The following TENM3 variants were observed in gnomAD, a reference collection of about 807,000 sequenced individuals.
TENM3 encodes teneurin transmembrane protein 3.
A neutral mutation model predicts 255.1 loss-of-function variants in TENM3; 63 were observed. That is an observed-to-expected ratio of 0.25 (90% CI 0.20 to 0.30). TENM3 has a LOEUF of 0.30. TENM3 is among the 10% of genes least tolerant of loss of function. TENM3 has a pLI of 1.00. For synonymous variants in TENM3, 1,306 were observed against 1,322.3 expected (o/e 0.99, Z 0.27); for missense variants, 2,929 against 3,461.1 (o/e 0.85, Z 3.86).
rs554662707 is a variant in TENM3 at position 182,408,431 on chromosome 4, G to A, written c.511+61502G>A. 8.1e-4 allele frequency among the ~76,000 whole-genome samples: 124 copies of A among 152,238 alleles called. 1 individual carries two copies. The highest frequency in any genetic ancestry group is 2.8e-3 in the African/African-American group (117 of 41,546). On this transcript the variant is annotated intron_variant, in intron 3 of 27. Coordinates refer to ENST00000511685, the MANE Select transcript of TENM3 (RefSeq NM_001080477.4). ...GCTTTGAAAGCTCATTAACTGGAAC[G>A]GTTGGTTGTGTTTCCCTAGAGAAAA...
At chr4:182,358,621 G>A (rs974386483) in intron 3 of TENM3, among the ~76,000 whole-genome samples, 2 of 151,648 alleles carry the variant, frequency 1.3e-5, no homozygotes, top group East Asian at 1.9e-4. Flanking sequence ...ATTTTGGGCT[G>A]AGACAATGGG....
intron 22 of TENM3, among the ~76,000 whole-genome samples, chr4:182,768,131 A>G (rs1763879796): frequency 6.6e-6 from 1 of 152,116 alleles, no homozygotes; most frequent in Admixed American, 6.5e-5. Flanking sequence ...AAAAGAGCCC[A>G]CCTCCAGAGT....
chr4:181,661,087 C>T, the TENM3 span, among the ~76,000 whole-genome samples: 1 of 152,104 alleles, frequency 6.6e-6, no homozygotes, highest in Non-Finnish European at 1.5e-5. Flanking sequence ...TGATACATTT[C>T]TCAACAATAT....
upstream of TENM3, among the ~76,000 whole-genome samples, chr4:182,239,792 CA>C (rs70956503): frequency 0.22 from 32,708 of 151,582 alleles, 5,110 homozygotes; most frequent in African/African-American, 0.45. Context: ...CAAATAATCG[CA>C]AAAAAAGCTT....
At chr4:182,397,072 C>T (rs902377245) in intron 3 of TENM3, among the ~76,000 whole-genome samples, 1 of 151,818 alleles carries the variant, frequency 6.6e-6, no homozygotes, top group African/African-American at 2.4e-5. Context: ...CATGTATAAT[C>T]AAATACAATT....
At chr4:182,624,215 G>A (rs1315784015) in intron 4 of TENM3, among the ~76,000 whole-genome samples, 1 of 152,120 alleles carries the variant, frequency 6.6e-6, no homozygotes, top group Non-Finnish European at 1.5e-5. Flanking sequence ...CTAGTCTAAG[G>A]GGAATCTTTG....
chr4:182,697,051 G>A (rs1474740294), intron 12 of TENM3, among the ~76,000 whole-genome samples: 1 of 152,120 alleles, frequency 6.6e-6, no homozygotes, highest in African/African-American at 2.4e-5. Flanking sequence ...AGTATTAAAT[G>A]GGTCAGGTCA....
At chr4:182,702,313 G>A (rs1215397206) in intron 12 of TENM3, among the ~76,000 whole-genome samples, 1 of 152,182 alleles carries the variant, frequency 6.6e-6, no homozygotes, top group Non-Finnish European at 1.5e-5. Context: ...CTCAGCAAAA[G>A]GAGGGCAGCT....
the TENM3 span, among the ~76,000 whole-genome samples, chr4:182,075,041 C>T: frequency 6.6e-6 from 1 of 152,094 alleles, no homozygotes; most frequent in Non-Finnish European, 1.5e-5. Flanking sequence ...CAGAGTGGCG[C>T]CTGATGGGGC....
intron 1 of TENM3, among the ~76,000 whole-genome samples, chr4:182,292,512 T>A (rs1761191506): frequency 1.3e-5 from 2 of 152,210 alleles, no homozygotes; most frequent in African/African-American, 2.4e-5. Context: ...CTGCTATCTA[T>A]ATTGTTTGAA....
the TENM3 span, among the ~76,000 whole-genome samples, chr4:181,534,473 C>T: frequency 5.9e-5 from 9 of 151,428 alleles, no homozygotes; most frequent in Non-Finnish European, 1.2e-4. Flanking sequence ...TCTTCCCCCC[C>T]CCCACAGAAA....
At chr4:181,475,154 T>C in the TENM3 span, among the ~76,000 whole-genome samples, 2 of 152,220 alleles carry the variant, frequency 1.3e-5, no homozygotes, top group African/African-American at 2.4e-5. Context: ...TATCTCTGAA[T>C]AATCTCTAAT....
chr4:182,635,104 C>T (rs1258563705), intron 5 of TENM3, among the ~76,000 whole-genome samples: 1 of 152,170 alleles, frequency 6.6e-6, no homozygotes, highest in Non-Finnish European at 1.5e-5. Flanking sequence ...TCTCCATGTA[C>T]AGTAGCACCA....
chr4:181,725,739 G>A, the TENM3 span, among the ~76,000 whole-genome samples: 1 of 152,086 alleles, frequency 6.6e-6, no homozygotes, highest in African/African-American at 2.4e-5. Flanking sequence ...ACCGCACCCA[G>A]CCTTTCAAAC....
At chr4:182,115,854 A>C in the TENM3 span, among the ~76,000 whole-genome samples, 7 of 151,158 alleles carry the variant, frequency 4.6e-5, no homozygotes, top group Non-Finnish European at 1.0e-4. Context: ...GAAAAATAAA[A>C]GATATGGCCA....
At chr4:182,179,735 A>G (rs931263187) in intron 1 of TENM3, among the ~76,000 whole-genome samples, 1 of 152,190 alleles carries the variant, frequency 6.6e-6, no homozygotes, top group African/African-American at 2.4e-5. Flanking sequence ...TTGTGTGTGT[A>G]TTTGTGAAAC....
At chr4:182,211,085 A>T (rs184394764) in intron 1 of TENM3, among the ~76,000 whole-genome samples, 37 of 152,244 alleles carry the variant, frequency 2.4e-4, no homozygotes, top group African/African-American at 8.4e-4. Context: ...CCGTCCCCAG[A>T]GGAGATGTCA....
chr4:182,289,161 C>T (rs1178925229), intron 1 of TENM3, among the ~76,000 whole-genome samples: 1 of 152,200 alleles, frequency 6.6e-6, no homozygotes, highest in African/African-American at 2.4e-5. Context: ...GCCTGGCAGG[C>T]GGAGGCTTCA....
chr4:182,027,619 TG>T, the TENM3 span, among the ~76,000 whole-genome samples: 1 of 152,106 alleles, frequency 6.6e-6, no homozygotes, highest in Non-Finnish European at 1.5e-5. Context: ...GTGTCATATA[TG>T]GCTTTTATTA....
Sources: gnomAD v4.1 joint callset for allele counts (sites outside exome capture counted in the v4.1 genomes callset) on GRCh38, gnomAD v4.1.1 for gene constraint, MANE v1.5 for transcripts, NCBI Gene and HGNC (gene_info 2026-07-23, HGNC 2026-07-21) for gene names.